The following EBF2 variants were observed in gnomAD, a reference collection of about 807,000 sequenced individuals.
EBF2 encodes EBF transcription factor 2.
EBF2 carries 21 observed loss-of-function variants against 72.8 expected under a neutral mutation model. That is an observed-to-expected ratio of 0.29 (90% CI 0.20 to 0.42). EBF2 has a LOEUF of 0.42. EBF2 is among the 10% of genes least tolerant of loss of function. The pLI is 1.00. For synonymous variants in EBF2, 299 were observed against 274.2 expected (o/e 1.09, Z -0.89); for missense variants, 637 against 731.2 (o/e 0.87, Z 1.49).
chr8:25,923,469 A>C (rs1226949103), intron 6 of EBF2, among the ~76,000 whole-genome samples: 1 of 152,196 alleles, frequency 6.6e-6, no homozygotes, highest in Non-Finnish European at 1.5e-5. Context: ...ATCACATCAA[A>C]ATCATGCAGA....
intron 6 of EBF2, among the ~76,000 whole-genome samples, chr8:26,005,275 A>ATAATTAT (rs1804825838): frequency 1.3e-3 from 1 of 774 alleles, no homozygotes; most frequent in African/African-American, 4.0e-3. Flanking sequence ...TATAATATAT[A>ATAATTAT]TAATTATATA....
At chr8:25,955,082 A>G (rs1330138424) in intron 6 of EBF2, among the ~76,000 whole-genome samples, 1 of 152,192 alleles carries the variant, frequency 6.6e-6, no homozygotes, top group Non-Finnish European at 1.5e-5. Flanking sequence ...CATCCCCAGA[A>G]CAGTGTGGGC....
At chr8:25,863,234 C>T (rs896188049) in intron 10 of EBF2, among the ~76,000 whole-genome samples, 6 of 151,924 alleles carry the variant, frequency 3.9e-5, no homozygotes, top group African/African-American at 1.5e-4. Context: ...TATATTTATA[C>T]ATATATAAAC....
chr8:25,869,873 T>G (rs73223999), intron 10 of EBF2, among the ~76,000 whole-genome samples: 22,221 of 152,212 alleles, frequency 0.15, 1,874 homozygotes, highest in African/African-American at 0.22. Context: ...AACCCTACAA[T>G]GTGGGTTTTA....
intron 15 of EBF2, among the ~76,000 whole-genome samples, chr8:25,848,070 G>T (rs192921969): frequency 1.7e-3 from 253 of 152,150 alleles, no homozygotes; most frequent in African/African-American, 5.8e-3. Context: ...TAGAGATGAG[G>T]TCTTGCTATG....
intron 6 of EBF2, among the ~76,000 whole-genome samples, chr8:25,913,278 T>A (rs1418130781): frequency 6.6e-6 from 1 of 151,854 alleles, no homozygotes; most frequent in East Asian, 1.9e-4. Flanking sequence ...CCATCTCTAC[T>A]AAAAATACAA....
Position 25,844,515 on chromosome 8 carries a change from G to C in EBF2, c.*94C>G. 3 of 1,427,928 alleles carry C rather than the reference G, an allele frequency of 2.1e-6. No homozygotes were observed. Among genetic ancestry groups the C allele is most frequent in the Non-Finnish European group, 3.0e-6 (3 of 1,013,994 alleles). The allele number at this position is 1,427,928 out of a possible 1,614,324, so 88.5% of individuals were successfully genotyped here. On this transcript the variant is annotated 3_prime_UTR_variant, in exon 16 of 16. Transcript: ENST00000520164. ...AGGGTGTCCATCATGTTCATGTGGGGGCACCACTACACCCCCAAAAGAGCT... is the reference window on the plus strand; with the variant it reads ...AGGGTGTCCATCATGTTCATGTGGGCGCACCACTACACCCCCAAAAGAGCT...
chr8:25,974,065 A>T (rs1804230256), intron 6 of EBF2, among the ~76,000 whole-genome samples: 1 of 152,254 alleles, frequency 6.6e-6, no homozygotes, highest in Non-Finnish European at 1.5e-5. Flanking sequence ...CTCTATGAGA[A>T]TTCCAAATGG....
intron 6 of EBF2, among the ~76,000 whole-genome samples, chr8:25,943,837 A>AT (rs982832833): frequency 3.3e-5 from 5 of 151,862 alleles, no homozygotes; most frequent in East Asian, 3.9e-4. Flanking sequence ...CCTCCCTCCC[A>AT]TTTTTTTTGT....
At chr8:25,962,183 A>T (rs923732461) in intron 6 of EBF2, among the ~76,000 whole-genome samples, 4 of 152,188 alleles carry the variant, frequency 2.6e-5, no homozygotes, top group Admixed American at 6.5e-5. Flanking sequence ...AGAGTAAAAC[A>T]AAAAAGCAAA....
intron 6 of EBF2, among the ~76,000 whole-genome samples, chr8:25,957,318 C>T (rs1201378320): frequency 3.3e-5 from 5 of 152,136 alleles, no homozygotes; most frequent in African/African-American, 1.2e-4. Flanking sequence ...TTTCAGCAAA[C>T]AAACAAAGGC....
intron 6 of EBF2, among the ~76,000 whole-genome samples, chr8:25,944,313 G>T (rs1458928285): frequency 6.6e-6 from 1 of 152,068 alleles, no homozygotes; most frequent in African/African-American, 2.4e-5. Flanking sequence ...CTCTAGACTT[G>T]TAAGAGCATC....
chr8:26,006,634 C>T (rs578136652), intron 6 of EBF2, among the ~76,000 whole-genome samples: 1 of 152,322 alleles, frequency 6.6e-6, no homozygotes, highest in East Asian at 1.9e-4. Flanking sequence ...ATGACACTGT[C>T]TCCTTGCCAG....
At chr8:25,865,529 T>G (rs1395054276) in intron 10 of EBF2, among the ~76,000 whole-genome samples, 2 of 152,104 alleles carry the variant, frequency 1.3e-5, no homozygotes, top group Admixed American at 1.3e-4. Flanking sequence ...ATTTTATAGG[T>G]TGGCTGTCAA....
At chr8:25,931,034 T>C (rs1257873389) in intron 6 of EBF2, among the ~76,000 whole-genome samples, 1 of 152,192 alleles carries the variant, frequency 6.6e-6, no homozygotes, top group African/African-American at 2.4e-5. Context: ...TCAAACTAAA[T>C]TTTTATTGAA....
intron 6 of EBF2, among the ~76,000 whole-genome samples, chr8:25,953,815 G>C (rs1803900679): frequency 6.6e-6 from 1 of 152,204 alleles, no homozygotes. Context: ...ACATCACACA[G>C]AGCTGGACAC....
chr8:25,942,179 G>T (rs891052937), intron 6 of EBF2, among the ~76,000 whole-genome samples: 1 of 152,288 alleles, frequency 6.6e-6, no homozygotes, highest in Non-Finnish European at 1.5e-5. Flanking sequence ...ACATGCAATG[G>T]TTCTCACATG....
chr8:25,961,078 G>A (rs1331519060), intron 6 of EBF2, among the ~76,000 whole-genome samples: 1 of 152,150 alleles, frequency 6.6e-6, no homozygotes, highest in Non-Finnish European at 1.5e-5. Context: ...GAAGAGCTGT[G>A]TATTGTACCC....
At chr8:25,894,747 A>G (rs1251791355) in intron 7 of EBF2, among the ~76,000 whole-genome samples, 1 of 152,198 alleles carries the variant, frequency 6.6e-6, no homozygotes, top group African/African-American at 2.4e-5. Context: ...CTTGTTAACT[A>G]TTTGTATGCA....
Sources: gnomAD v4.1 joint callset for allele counts (sites outside exome capture counted in the v4.1 genomes callset) on GRCh38, gnomAD v4.1.1 for gene constraint, MANE v1.5 for transcripts, NCBI Gene and HGNC (gene_info 2026-07-23, HGNC 2026-07-21) for gene names.